ATXN7L1: variants seen among roughly 807,000 people sequenced by gnomAD.
The protein encoded by ATXN7L1 is ataxin 7 like 1.
In ATXN7L1, 15 loss-of-function variants were observed where a neutral mutation model predicts 70.8. The observed-to-expected ratio is 0.21, with a 90% CI of 0.14 to 0.33. The LOEUF is 0.33. ATXN7L1 is among the 10% of genes least tolerant of loss of function. ATXN7L1 has a pLI of 1.00. For synonymous variants in ATXN7L1, 440 were observed against 445.1 expected, an observed-to-expected ratio of 0.99 and a Z score of 0.14; for missense variants, 975 against 1,097.1, an observed-to-expected ratio of 0.89 and a Z score of 1.57.
At chr7:105,665,362 C>G in intron 3 of ATXN7L1, 74 bp from the exon 4 acceptor site, 1 of 1,220,274 alleles carries the variant, frequency 8.2e-7, no homozygotes, top group African/African-American at 1.5e-5. Flanking sequence ...CACATACACT[C>G]AAACACACAA....
intron 2 of ATXN7L1, among the ~76,000 whole-genome samples, chr7:105,854,668 T>C (rs1482397601): frequency 6.6e-6 from 1 of 152,088 alleles, no homozygotes; most frequent in Admixed American, 6.6e-5. Flanking sequence ...CCCCCTCCAA[T>C]CTGGTATTGT....
At chr7:105,658,820 C>A (rs1801115847) in intron 4 of ATXN7L1, among the ~76,000 whole-genome samples, 2 of 152,102 alleles carry the variant, frequency 1.3e-5, no homozygotes, top group Admixed American at 1.3e-4. Flanking sequence ...AGGCATGAGC[C>A]ACCATGCCTG....
intron 2 of ATXN7L1, among the ~76,000 whole-genome samples, chr7:105,846,365 T>C (rs1354210087): frequency 2.0e-5 from 3 of 152,048 alleles, no homozygotes; most frequent in Admixed American, 6.6e-5. Context: ...CATTAAAAGA[T>C]GGTCAACATC....
At chr7:105,721,958 G>C (rs1483620622) in intron 3 of ATXN7L1, among the ~76,000 whole-genome samples, 1 of 152,238 alleles carries the variant, frequency 6.6e-6, no homozygotes, top group African/African-American at 2.4e-5. Flanking sequence ...TTTTCTCTTG[G>C]GAGGGACTAG....
At chr7:105,759,176 T>A (rs1356526944) in intron 3 of ATXN7L1, among the ~76,000 whole-genome samples, 1 of 119,618 alleles carries the variant, frequency 8.4e-6, no homozygotes, top group South Asian at 2.8e-4. Flanking sequence ...TTTTTTTTTT[T>A]AATCCAGGTA....
chr7:105,776,483 C>T (rs533281676), intron 3 of ATXN7L1, among the ~76,000 whole-genome samples: 2 of 119,260 alleles, frequency 1.7e-5, no homozygotes, highest in Non-Finnish European at 3.3e-5. Context: ...GAAAAACAAA[C>T]AAACAAACAA....
At chr7:105,871,837 T>C (rs77572723) in intron 2 of ATXN7L1, among the ~76,000 whole-genome samples, 11,912 of 152,158 alleles carry the variant, frequency 0.078, 1,557 homozygotes, top group African/African-American at 0.27. Flanking sequence ...TTTCATACTT[T>C]ATAGGTGGAG....
intron 3 of ATXN7L1, among the ~76,000 whole-genome samples, chr7:105,703,650 T>G (rs1049679318): frequency 1.3e-5 from 2 of 152,224 alleles, no homozygotes; most frequent in Admixed American, 6.5e-5. Context: ...CACCCTTGTA[T>G]AAACAGGTAT....
chr7:105,842,383 C>T (rs922410911), intron 2 of ATXN7L1, among the ~76,000 whole-genome samples: 2 of 152,222 alleles, frequency 1.3e-5, no homozygotes, highest in African/African-American at 2.4e-5. Flanking sequence ...CCCCTTTTTG[C>T]TCAGCCTCTG....
intron 3 of ATXN7L1, among the ~76,000 whole-genome samples, chr7:105,700,065 G>A (rs1040468013): frequency 6.6e-6 from 1 of 152,192 alleles, no homozygotes; most frequent in African/African-American, 2.4e-5. Flanking sequence ...TGAGCTCCTG[G>A]CTGGGTTCCC....
chr7:105,666,612 C>T (rs917111731), intron 3 of ATXN7L1, among the ~76,000 whole-genome samples: 1 of 152,220 alleles, frequency 6.6e-6, no homozygotes, highest in African/African-American at 2.4e-5. Context: ...TGAATTTAGT[C>T]TTCTGATGCA....
intron 4 of ATXN7L1, among the ~76,000 whole-genome samples, chr7:105,648,583 G>T (rs1477774498): frequency 6.6e-6 from 1 of 152,164 alleles, no homozygotes; most frequent in African/African-American, 2.4e-5. Flanking sequence ...TGACATAAGA[G>T]CCTATTAAGA....
At chr7:105,844,271 C>A (rs1027215865) in intron 2 of ATXN7L1, among the ~76,000 whole-genome samples, 2 of 152,074 alleles carry the variant, frequency 1.3e-5, no homozygotes, top group Non-Finnish European at 2.9e-5. Context: ...TATCACCTTA[C>A]CAGACAAAGA....
At chr7:105,872,027 C>T (rs147852943) in intron 2 of ATXN7L1, among the ~76,000 whole-genome samples, 5,076 of 151,018 alleles carry the variant, frequency 0.034, 308 homozygotes, top group African/African-American at 0.11. Context: ...GAGTCTCGCT[C>T]TTTCGCCCAG....
intron 2 of ATXN7L1, chr7:105,819,743 G>T: frequency 1.3e-6 from 1 of 752,990 alleles, no homozygotes; most frequent in Admixed American, 1.8e-5. Context: ...GGCTGACCTC[G>T]AGGCATGTTG....
intron 3 of ATXN7L1, among the ~76,000 whole-genome samples, chr7:105,698,087 T>C (rs778590094): frequency 1.2e-4 from 18 of 152,134 alleles, no homozygotes; most frequent in Non-Finnish European, 2.1e-4. Context: ...TGTTGGTAGC[T>C]GTGGGGGCTA....
intron 4 of ATXN7L1, among the ~76,000 whole-genome samples, chr7:105,660,710 G>C (rs1371883857): frequency 6.7e-6 from 1 of 148,592 alleles, no homozygotes; most frequent in Non-Finnish European, 1.5e-5. Flanking sequence ...ATCCTCCCAA[G>C]TAGCTGGGAT....
chr7:105,784,928 G>A (rs750690515), intron 3 of ATXN7L1, among the ~76,000 whole-genome samples: 16 of 152,316 alleles, frequency 1.1e-4, no homozygotes, highest in Admixed American at 3.9e-4. Context: ...CTGCGTCCAT[G>A]GGGCTTGGAC....
chr7:105,761,716 G>T (rs1032420839), intron 3 of ATXN7L1, among the ~76,000 whole-genome samples: 1 of 152,140 alleles, frequency 6.6e-6, no homozygotes, highest in Admixed American at 6.5e-5. Context: ...ATGGCGGTGG[G>T]GTGGGGGCAG....
Sources: allele counts gnomAD v4.1 joint callset (sites outside exome capture counted in the v4.1 genomes callset), GRCh38; gene constraint gnomAD v4.1.1; transcripts MANE v1.5; gene names NCBI Gene and HGNC (gene_info 2026-07-23, HGNC 2026-07-21).